Variants in PDCD1LG2 observed in about 807,000 individuals in gnomAD.
PDCD1LG2 encodes the protein programmed cell death 1 ligand 2.
Under a neutral mutation model 28.2 loss-of-function variants are expected in PDCD1LG2, and 32 were observed. The ratio of observed to expected loss-of-function variants is 1.13; its 90% confidence interval spans 0.86 to 1.52. The LOEUF is 1.52. Among genes scored for constraint, PDCD1LG2 ranks in the 40% most tolerant of loss-of-function variants. The probability of loss-of-function intolerance (pLI) is 0.00; values close to 1 mark genes in which losing one functional copy is unlikely to be tolerated. For synonymous variants in PDCD1LG2, 116 were observed against 120.2 expected (o/e 0.97, Z 0.23); for missense variants, 385 against 323.8 (o/e 1.19, Z -1.45).
intron 3 of PDCD1LG2, among the ~76,000 whole-genome samples, chr9:5,536,463 G>A (rs1820582351): frequency 6.6e-6 from 1 of 152,182 alleles, no homozygotes; most frequent in African/African-American, 2.4e-5. Flanking sequence ...CATCCAGGCA[G>A]CAGCTGGGAG....
chr9:5,561,028 ATT>A (rs903263300), intron 5 of PDCD1LG2, among the ~76,000 whole-genome samples: 1 of 152,078 alleles, frequency 6.6e-6, no homozygotes, highest in African/African-American at 2.4e-5. Context: ...TGTTTCTCTG[ATT>A]CACCAATATA....
At chr9:5,533,557 G>C (rs1358710202) in intron 2 of PDCD1LG2, among the ~76,000 whole-genome samples, 8 of 152,180 alleles carry the variant, frequency 5.3e-5, no homozygotes, top group Admixed American at 4.6e-4. Flanking sequence ...AGTGTTAGAG[G>C]TGTGGAAGTC....
intron 1 of PDCD1LG2, among the ~76,000 whole-genome samples, chr9:5,515,353 C>T (rs1028096347): frequency 3.3e-5 from 5 of 152,200 alleles, no homozygotes; most frequent in Admixed American, 2.6e-4. Context: ...AAAGTCAGCA[C>T]AATGCTCATT....
intron 3 of PDCD1LG2, among the ~76,000 whole-genome samples, chr9:5,537,126 A>C (rs1233923935): frequency 6.6e-6 from 1 of 152,260 alleles, no homozygotes; most frequent in Admixed American, 6.5e-5. Flanking sequence ...AATAACTGAT[A>C]ATCAAAAATG....
At chr9:5,527,662 G>T (rs1467030880) in intron 2 of PDCD1LG2, among the ~76,000 whole-genome samples, 1 of 152,046 alleles carries the variant, frequency 6.6e-6, no homozygotes, top group Non-Finnish European at 1.5e-5. Context: ...CATTTCACTT[G>T]GATAAATACC....
Position 5,570,043 on chromosome 9 carries a change from G to C in PDCD1LG2, c.*84G>C, listed in dbSNP as rs1001892294. On this transcript the variant is annotated 3_prime_UTR_variant, in exon 7 of 7. Coordinates refer to ENST00000397747, the MANE Select transcript of PDCD1LG2 (RefSeq NM_025239.4). ...CTGAACAAGAATTCGGTGGCCTGCAGAGCTTGCCATTTGCACTTTTCAAAT... is the reference window on the plus strand; with the variant it reads ...CTGAACAAGAATTCGGTGGCCTGCACAGCTTGCCATTTGCACTTTTCAAAT... 1.3e-6 allele frequency: 2 copies of C among 1,560,350 alleles called. No individual in the cohort carries two copies. Among genetic ancestry groups the C allele is most frequent in the African/African-American group, 2.7e-5 (2 of 73,272 alleles).
In PDCD1LG2 at chr9:5,557,084, C is replaced by T. The variant is rs141015836; in HGVS notation, c.632-534C>T. On this transcript the variant is annotated intron_variant, in intron 4 of 6. Transcript: ENST00000397747. ...TTCTTCCAAAAGGATCCTGTTAATC[C>T]TTGAAATTTAACAACTAATGGTATA... Among the ~76,000 whole-genome samples the T allele has an allele frequency of 1.1e-3, 161 of 152,260 alleles. 3 individuals are homozygous for T. The highest frequency in any genetic ancestry group is 3.6e-3 in the African/African-American group (151 of 41,556).
chr9:5,528,682 TA>T (rs1820425792), intron 2 of PDCD1LG2, among the ~76,000 whole-genome samples: 1 of 152,188 alleles, frequency 6.6e-6, no homozygotes, highest in East Asian at 1.9e-4. Flanking sequence ...AATTGTATAC[TA>T]AGGAATTAAA....
chr9:5,520,930 T>G (rs752113609), intron 1 of PDCD1LG2, among the ~76,000 whole-genome samples: 1 of 152,200 alleles, frequency 6.6e-6, no homozygotes, highest in Non-Finnish European at 1.5e-5. Context: ...CATAGGAACT[T>G]TATTCATAAT....
chr9:5,553,363 G>A (rs1816375523), intron 4 of PDCD1LG2, among the ~76,000 whole-genome samples: 1 of 152,080 alleles, frequency 6.6e-6, no homozygotes, highest in African/African-American at 2.4e-5. Context: ...GCAATCCCAC[G>A]AGAACTTTTT....
intron 2 of PDCD1LG2, among the ~76,000 whole-genome samples, chr9:5,526,425 T>C (rs150455661): frequency 6.6e-6 from 1 of 152,290 alleles, no homozygotes; most frequent in East Asian, 1.9e-4. Context: ...CCTTTATTTT[T>C]ACCTTTTTTA....
intron 4 of PDCD1LG2, among the ~76,000 whole-genome samples, chr9:5,549,878 AT>A (rs1816294164): frequency 6.6e-6 from 1 of 152,190 alleles, no homozygotes; most frequent in African/African-American, 2.4e-5. Context: ...AAGCTGCCAC[AT>A]GCAGCGACTC....
At chr9:5,556,321 G>T (rs1182444018) in intron 4 of PDCD1LG2, among the ~76,000 whole-genome samples, 1 of 152,208 alleles carries the variant, frequency 6.6e-6, no homozygotes, top group Non-Finnish European at 1.5e-5. Flanking sequence ...TAGAAATTAA[G>T]AAGCAGATTA....
chr9:5,567,010 G>C (rs930619028), intron 6 of PDCD1LG2, among the ~76,000 whole-genome samples: 3 of 152,088 alleles, frequency 2.0e-5, no homozygotes, highest in African/African-American at 7.2e-5. Flanking sequence ...TATGTTTTCT[G>C]AATTTTTGTT....
intron 3 of PDCD1LG2, among the ~76,000 whole-genome samples, chr9:5,548,674 G>A (rs992470861): frequency 2.0e-5 from 3 of 152,180 alleles, no homozygotes; most frequent in South Asian, 2.1e-4. Flanking sequence ...AAGCAGGTGT[G>A]TGTATGAACT....
chr9:5,550,275 A>G (rs1049371466), intron 4 of PDCD1LG2, among the ~76,000 whole-genome samples: 1 of 152,214 alleles, frequency 6.6e-6, no homozygotes, highest in Non-Finnish European at 1.5e-5. Context: ...GGGATCCCAT[A>G]CTTTTGAACT....
chr9:5,567,509 T>G (rs1364433174), intron 6 of PDCD1LG2, among the ~76,000 whole-genome samples: 1 of 152,226 alleles, frequency 6.6e-6, no homozygotes, highest in Non-Finnish European at 1.5e-5. Flanking sequence ...ACCATAGATA[T>G]ATATCATCTA....
At chr9:5,534,335 A>G (rs1004065559) in intron 2 of PDCD1LG2, among the ~76,000 whole-genome samples, 2 of 152,224 alleles carry the variant, frequency 1.3e-5, no homozygotes, top group African/African-American at 4.8e-5. Context: ...ATGAGCTCAG[A>G]CCTTGATGGT....
intron 3 of PDCD1LG2, among the ~76,000 whole-genome samples, chr9:5,538,245 C>T (rs1204971006): frequency 6.6e-6 from 1 of 151,970 alleles, no homozygotes; most frequent in African/African-American, 2.4e-5. Flanking sequence ...TCTCATTCCC[C>T]TTTTTTAACA....
Sources: allele counts gnomAD v4.1 joint callset (sites outside exome capture counted in the v4.1 genomes callset), GRCh38; gene constraint gnomAD v4.1.1; transcripts MANE v1.5; gene names NCBI Gene and HGNC (gene_info 2026-07-23, HGNC 2026-07-21).